NTNG1: variants seen among roughly 807,000 people sequenced by gnomAD.
NTNG1 encodes the protein netrin-G1.
NTNG1 carries 16 observed loss-of-function variants against 54.0 expected under a neutral mutation model. That is an observed-to-expected ratio of 0.30 (90% CI 0.20 to 0.45). The LOEUF (loss-of-function observed/expected upper bound fraction) is 0.45, where lower values mean the gene tolerates loss of function less well. NTNG1 is among the 20% of genes least tolerant of loss of function. The probability of loss-of-function intolerance (pLI) is 1.00; values close to 1 mark genes in which losing one functional copy is unlikely to be tolerated. For missense variants in NTNG1, 530 were observed against 678.7 expected (o/e 0.78, Z 2.43); for synonymous variants, 255 against 263.1 (o/e 0.97, Z 0.30).
intron 3 of NTNG1, among the ~76,000 whole-genome samples, chr1:107,353,207 T>C (rs1387979929): frequency 2.0e-5 from 3 of 152,208 alleles, no homozygotes; most frequent in African/African-American, 7.2e-5. Context: ...TTCCATACTT[T>C]TACACTCTGC....
rs1426668422 is a variant in NTNG1 at position 107,386,129 on chromosome 1, ATGTATATATATATATGTG to A, written c.888-9009_888-8992del. Among the ~76,000 whole-genome samples, 10 of 140,718 alleles carry A rather than the reference ATGTATATATATATATGTG, an allele frequency of 7.1e-5. No individual in the cohort carries two copies. In the Middle Eastern group the frequency reaches 0.019, roughly 261 times the overall value. 92.3% of individuals were successfully genotyped at this position (140,718 alleles called of 152,430 possible). ...TATACACATATATATACTTATATGT[ATGTATATATATATATGTG>A]TGTATATATATATATATATTTTTTT... is the stretch of plus-strand genomic sequence containing the variant. On this transcript the variant is annotated intron_variant, in intron 3 of 7. Transcript: ENST00000370068.
intron 2 of NTNG1, among the ~76,000 whole-genome samples, chr1:107,207,773 C>T (rs1659304995): frequency 6.6e-6 from 1 of 152,192 alleles, no homozygotes; most frequent in African/African-American, 2.4e-5. Context: ...ACTTTCGTAG[C>T]TCATGTTTCA....
At chr1:107,170,090 A>T (rs1353541361) in intron 2 of NTNG1, among the ~76,000 whole-genome samples, 1 of 152,158 alleles carries the variant, frequency 6.6e-6, no homozygotes, top group African/African-American at 2.4e-5. Context: ...CATCTATAAA[A>T]TATCTTCACG....
At chr1:107,351,410 G>A (rs1258128299) in intron 3 of NTNG1, among the ~76,000 whole-genome samples, 1 of 152,204 alleles carries the variant, frequency 6.6e-6, no homozygotes, top group Non-Finnish European at 1.5e-5. Context: ...AGGCCTCAGA[G>A]AGCTTTTACT....
In NTNG1 at chr1:107,424,195, C is replaced by A. The variant is rs564632617; in HGVS notation, c.1088-6555C>A. Among the ~76,000 whole-genome samples the A allele has an allele frequency of 8.0e-4, 121 of 152,094 alleles. No homozygotes were observed. In the South Asian group the frequency reaches 0.014, roughly 17 times the overall value. ...TCAGATTAAATGGTCAGAGAATTTT[C>A]TTTGAGAAGATATTTTAAAAAGAAA... On this transcript the variant is annotated intron_variant, in intron 5 of 7. Transcript: ENST00000370068.
chr1:107,454,679 A>G (rs1024640374), intron 7 of NTNG1, among the ~76,000 whole-genome samples: 2 of 152,242 alleles, frequency 1.3e-5, no homozygotes, highest in Admixed American at 6.5e-5. Context: ...AATAGCATGC[A>G]TAAATAGCTA....
In NTNG1 at chr1:107,482,022, G is replaced by A. The variant is rs1007065566; in HGVS notation, c.*1182G>A. The stretch of plus-strand genomic sequence containing the variant: ...AGCTTGGACAACTTCTGCAAAATAT[G>A]AGACTATTTCCACTTGGGAAAAATT... On this transcript the variant is annotated 3_prime_UTR_variant, in exon 8 of 8. Transcript: ENST00000370068. 1 of 129,100 alleles carries A rather than the reference G, an allele frequency of 7.7e-6. No homozygotes were observed. The highest frequency in any genetic ancestry group is 2.6e-4 in the South Asian group (1 of 3,904). The allele number at this position is 129,100 out of a possible 1,614,324, so 8.0% of individuals were successfully genotyped here. A position where few individuals can be genotyped will look rare whatever the true frequency, so the allele number is the denominator to read the frequency against.
At chr1:107,166,012 A>G (rs1021087471) in intron 2 of NTNG1, among the ~76,000 whole-genome samples, 3 of 152,222 alleles carry the variant, frequency 2.0e-5, no homozygotes, top group African/African-American at 7.2e-5. Context: ...ACAATGACAG[A>G]CTGGCCTCTG....
chr1:107,322,020 G>T (rs1667687883), intron 2 of NTNG1, among the ~76,000 whole-genome samples: 1 of 152,170 alleles, frequency 6.6e-6, no homozygotes, highest in Admixed American at 6.6e-5. Context: ...TGTCCAGCAC[G>T]CAAGTGCTAA....
chr1:107,434,310 G>A (rs1231676920), intron 6 of NTNG1, among the ~76,000 whole-genome samples: 1 of 152,160 alleles, frequency 6.6e-6, no homozygotes. Context: ...CACAGTGATT[G>A]CTGCTTTGTA....
chr1:107,403,616 A>G, intron 4 of NTNG1: 2 of 155,210 alleles, frequency 1.3e-5, no homozygotes, highest in Non-Finnish European at 2.9e-5. Context: ...AGGCTGAGGC[A>G]GGAGAATCGC....
At chr1:107,273,252 T>C (rs920900071) in intron 2 of NTNG1, among the ~76,000 whole-genome samples, 1 of 152,140 alleles carries the variant, frequency 6.6e-6, no homozygotes. Flanking sequence ...TGCTGAGTGA[T>C]GCAGTGGAGA....
At chr1:107,422,919 A>G (rs900080724) in intron 5 of NTNG1, among the ~76,000 whole-genome samples, 1 of 152,104 alleles carries the variant, frequency 6.6e-6, no homozygotes, top group Non-Finnish European at 1.5e-5. Context: ...AAAAACGAGG[A>G]TGCAAAGGAG....
At chr1:107,464,704 G>T (rs1407374441) in intron 7 of NTNG1, among the ~76,000 whole-genome samples, 1 of 152,134 alleles carries the variant, frequency 6.6e-6, no homozygotes, top group African/African-American at 2.4e-5. Context: ...TCAGCCTCAG[G>T]CCAAGTTCGA....
intron 2 of NTNG1, among the ~76,000 whole-genome samples, chr1:107,228,322 A>C (rs1349220295): frequency 2.0e-5 from 3 of 152,194 alleles, no homozygotes; most frequent in Non-Finnish European, 2.9e-5. Flanking sequence ...GACATTTTAC[A>C]TCCATGAGGT....
rs1252409943 is a variant in NTNG1, at chr1:107,484,790, T to G, written c.*3950T>G. On this transcript the variant is annotated 3_prime_UTR_variant, in exon 8 of 8. Coordinates refer to ENST00000370068, the MANE Select transcript of NTNG1 (RefSeq NM_001113226.3). Reference sequence around the variant, plus strand: ...TCTACCATCAATAATCCAGTATGATTGGGATGTAAAGACCCAGCATTCTGA... The same window carrying G: ...TCTACCATCAATAATCCAGTATGATGGGGATGTAAAGACCCAGCATTCTGA... 6.6e-6 allele frequency among the ~76,000 whole-genome samples: 1 copy of G among 152,180 alleles called. No homozygotes were observed. The highest frequency in any genetic ancestry group is 6.5e-5 in the Admixed American group (1 of 15,282).
At chr1:107,347,679 C>G (rs988547769) in intron 3 of NTNG1, among the ~76,000 whole-genome samples, 2 of 152,016 alleles carry the variant, frequency 1.3e-5, no homozygotes, top group African/African-American at 4.8e-5. Flanking sequence ...AAGAAATACC[C>G]GAGACTGGGT....
At chr1:107,258,586 T>A (rs1663088283) in intron 2 of NTNG1, among the ~76,000 whole-genome samples, 1 of 152,198 alleles carries the variant, frequency 6.6e-6, no homozygotes, top group African/African-American at 2.4e-5. Flanking sequence ...AAGATACCTG[T>A]TTTAAGGTGG....
At chr1:107,187,883 G>C (rs1157121605) in intron 2 of NTNG1, among the ~76,000 whole-genome samples, 1 of 152,068 alleles carries the variant, frequency 6.6e-6, no homozygotes, top group African/African-American at 2.4e-5. Context: ...AGAGGAAAGG[G>C]GAAAAAGCCA....
Sources: allele counts gnomAD v4.1 joint callset (sites outside exome capture counted in the v4.1 genomes callset), GRCh38; gene constraint gnomAD v4.1.1; transcripts MANE v1.5; gene names NCBI Gene and HGNC (gene_info 2026-07-23, HGNC 2026-07-21).